LAMC1: variants seen among roughly 807,000 people sequenced by gnomAD.
LAMC1 encodes the protein laminin subunit gamma-1.
In LAMC1, 38 loss-of-function variants were observed where a neutral mutation model predicts 173.6. That is an observed-to-expected ratio of 0.22 (90% CI 0.17 to 0.29). The LOEUF is 0.29. LAMC1 is among the 10% of genes least tolerant of loss of function. The probability of loss-of-function intolerance (pLI) is 1.00; values close to 1 mark genes in which losing one functional copy is unlikely to be tolerated. For synonymous variants in LAMC1, 746 were observed against 749.1 expected (o/e 1.00, Z 0.07); for missense variants, 1,824 against 2,051.8 (o/e 0.89, Z 2.14).
At chr1:183,140,623 T>G (rs1413065670) in intron 27 of LAMC1, 120 bp downstream of exon 27, 7 of 444,234 alleles carry the variant, frequency 1.6e-5, no homozygotes, top group African/African-American at 1.4e-4. Flanking sequence ...CCCTTTTAAG[T>G]CATTAATTAA....
intron 1 of LAMC1, among the ~76,000 whole-genome samples, chr1:183,031,185 A>G (rs1355705613): frequency 1.3e-5 from 2 of 152,226 alleles, no homozygotes; most frequent in African/African-American, 4.8e-5. Flanking sequence ...TAGGATAGTG[A>G]AAGGACTGTA....
At chr1:183,101,260 T>C (rs539094138) in intron 1 of LAMC1, among the ~76,000 whole-genome samples, 2 of 152,206 alleles carry the variant, frequency 1.3e-5, no homozygotes, top group African/African-American at 4.8e-5. Context: ...TTAACCATTC[T>C]GTAATGTCTT....
chr1:183,134,857 C>A, intron 23 of LAMC1, 48 bp downstream of exon 23: 1 of 1,580,238 alleles, frequency 6.3e-7, no homozygotes, highest in Non-Finnish European at 8.7e-7. Context: ...AACATTTGAA[C>A]AGTCCAAATG....
intron 2 of LAMC1, among the ~76,000 whole-genome samples, chr1:183,104,245 A>G (rs1655908782): frequency 6.6e-6 from 1 of 152,202 alleles, no homozygotes; most frequent in Non-Finnish European, 1.5e-5. Flanking sequence ...TACCCATAGC[A>G]CTGTACTTAA....
At chr1:183,082,639 T>C (rs1312627748) in intron 1 of LAMC1, among the ~76,000 whole-genome samples, 2 of 152,224 alleles carry the variant, frequency 1.3e-5, no homozygotes, top group Non-Finnish European at 2.9e-5. Flanking sequence ...GAATCACTGC[T>C]GGAAATGGAG....
intron 14 of LAMC1, 116 bp downstream of exon 14, chr1:183,124,992 C>T (rs1489960605): frequency 4.2e-5 from 57 of 1,345,786 alleles, no homozygotes; most frequent in Middle Eastern, 2.6e-4. Context: ...CATTGTGAAC[C>T]GCTTTTGTCT....
intron 26 of LAMC1, among the ~76,000 whole-genome samples, chr1:183,139,071 AT>A (rs1657031841): frequency 6.6e-6 from 1 of 152,180 alleles, no homozygotes; most frequent in South Asian, 2.1e-4. Context: ...CATAAAAAAA[AT>A]AGATGTTTCT....
chr1:183,090,461 T>G (rs1429335418), intron 1 of LAMC1, among the ~76,000 whole-genome samples: 1 of 152,164 alleles, frequency 6.6e-6, no homozygotes, highest in Non-Finnish European at 1.5e-5. Flanking sequence ...GGTGGATGAA[T>G]GAAAAATGAA....
intron 5 of LAMC1, 38 bp from the exon 6 acceptor site, chr1:183,115,482 C>A: frequency 7.1e-7 from 1 of 1,400,580 alleles, no homozygotes; most frequent in Non-Finnish European, 1.0e-6. Context: ...ACGTATCTGG[C>A]CGAATTTTTG....
chr1:183,049,381 T>C (rs931156385), intron 1 of LAMC1, among the ~76,000 whole-genome samples: 1 of 152,204 alleles, frequency 6.6e-6, no homozygotes, highest in African/African-American at 2.4e-5. Context: ...TTTAAGTTTA[T>C]CTACAGAGGT....
At chr1:183,140,185 A>C (rs549114187) in intron 26 of LAMC1, among the ~76,000 whole-genome samples, 20 of 146,878 alleles carry the variant, frequency 1.4e-4, no homozygotes, top group African/African-American at 4.9e-4. Flanking sequence ...CTGCCTAGTC[A>C]TAACTTTGAT....
intron 5 of LAMC1, among the ~76,000 whole-genome samples, chr1:183,115,047 GT>G (rs929501484): frequency 3.9e-5 from 6 of 152,208 alleles, no homozygotes; most frequent in Admixed American, 1.3e-4. Flanking sequence ...TGATGATTTT[GT>G]TTAGTCTAAT....
At chr1:183,093,168 C>T (rs1655608480) in intron 1 of LAMC1, among the ~76,000 whole-genome samples, 1 of 152,100 alleles carries the variant, frequency 6.6e-6, no homozygotes, top group Non-Finnish European at 1.5e-5. Flanking sequence ...AGAAAAATTA[C>T]TTGGAAAATT....
intron 4 of LAMC1, among the ~76,000 whole-genome samples, chr1:183,111,870 A>G (rs1656166596): frequency 6.6e-6 from 1 of 152,134 alleles, no homozygotes; most frequent in African/African-American, 2.4e-5. Flanking sequence ...CCCCGTCTCT[A>G]CTAAAAATAG....
At chr1:183,134,432 GT>G (rs2102108305) in intron 22 of LAMC1, among the ~76,000 whole-genome samples, 1 of 152,250 alleles carries the variant, frequency 6.6e-6, no homozygotes, top group South Asian at 2.1e-4. Flanking sequence ...TGGGGTGTTG[GT>G]TATGCAGAAA....
intron 1 of LAMC1, among the ~76,000 whole-genome samples, chr1:183,073,803 A>G (rs11804437): frequency 0.12 from 17,827 of 152,248 alleles, 1,174 homozygotes; most frequent in Admixed American, 0.2. Context: ...GCAAAATAAT[A>G]GACAAGAGAA....
chr1:183,142,941 T>A lies in LAMC1; in HGVS notation c.*151T>A. ...TTGAACCAGGAAAAGTCACAGAGTTTAAAGAGAAGCAAATTAAACATCCTG... is the reference window on the plus strand; with the variant it reads ...TTGAACCAGGAAAAGTCACAGAGTTAAAAGAGAAGCAAATTAAACATCCTG... On this transcript the variant is annotated 3_prime_UTR_variant, in exon 28 of 28. Coordinates refer to ENST00000258341, the MANE Select transcript of LAMC1 (RefSeq NM_002293.4). The A allele has an allele frequency of 1.3e-6, 1 of 767,768 alleles. No homozygotes were observed. The highest frequency in any genetic ancestry group is 2.0e-6 in the Non-Finnish European group (1 of 489,294). 47.6% of individuals were successfully genotyped at this position (767,768 alleles called of 1,614,324 possible). A position where few individuals can be genotyped will look rare whatever the true frequency, so the allele number is the denominator to read the frequency against.
intron 11 of LAMC1, 87 bp from the exon 12 acceptor site, chr1:183,121,636 G>A: frequency 8.8e-7 from 1 of 1,140,496 alleles, no homozygotes; most frequent in South Asian, 1.6e-5. Flanking sequence ...GGAATTTGGG[G>A]TCTAGTTACT....
chr1:183,068,672 T>G (rs577801141), intron 1 of LAMC1, among the ~76,000 whole-genome samples: 1 of 152,136 alleles, frequency 6.6e-6, no homozygotes, highest in Non-Finnish European at 1.5e-5. Flanking sequence ...CTGGGCACGG[T>G]AGCTCATGCC....
Sources: allele counts gnomAD v4.1 joint callset (sites outside exome capture counted in the v4.1 genomes callset), GRCh38; gene constraint gnomAD v4.1.1; transcripts MANE v1.5; gene names NCBI Gene and HGNC (gene_info 2026-07-23, HGNC 2026-07-21).